The following GUCY2C variants were observed in gnomAD, a reference collection of about 807,000 sequenced individuals.
The protein encoded by GUCY2C is guanylate cyclase 2C, also known as guanylyl cyclase C.
In GUCY2C, 118 loss-of-function variants were observed where a neutral mutation model predicts 131.1. The ratio of observed to expected loss-of-function variants is 0.90; its 90% CI spans 0.78 to 1.05. The LOEUF (loss-of-function observed/expected upper bound fraction) is 1.05, where lower values mean the gene tolerates loss of function less well. GUCY2C is among the 50% of genes least tolerant of loss of function. The pLI is 0.00. For synonymous variants in GUCY2C, 452 were observed against 457.8 expected, an observed-to-expected ratio of 0.99 and a Z score of 0.16; for missense variants, 1,161 against 1,304.4, an observed-to-expected ratio of 0.89 and a Z score of 1.69.
intron 17 of GUCY2C, 45 bp from the exon 18 acceptor site, chr12:14,641,264 G>A (rs1260925409): frequency 3.1e-6 from 5 of 1,595,434 alleles, no homozygotes; most frequent in Non-Finnish European, 4.3e-6. Context: ...GGGGGTGAGT[G>A]GTTCATAGGC....
rs1946890699 is a variant in GUCY2C, at chr12:14,621,253, T to C, written c.2602-37A>G. 5 of 1,549,018 alleles carry C rather than the reference T, an allele frequency of 3.2e-6. No homozygotes were observed. In the African/African-American group the frequency reaches 5.5e-5, roughly 17 times the overall value. ...GTTTCTCATGAGTGCCTCTGCCCCT[T>C]TGAAAAGTATAGAAAGTAAACAGAA... On this transcript the variant is annotated intron_variant, in intron 22 of 26. Transcript: ENST00000261170.
chr12:14,683,277 A>G lies in GUCY2C; in HGVS notation c.396-20T>C, dbSNP rs1385612752. On this transcript the variant is annotated intron_variant, in intron 3 of 26. Transcript: ENST00000261170. The stretch of plus-strand genomic sequence containing the variant: ...TCAAGGCTATGTCAAGAGGTTGAGG[A>G]AAAAAGCCATTATCAGTATTAACTT... 6.6e-7 allele frequency: 1 copy of G among 1,521,574 alleles called. No homozygotes were observed. 94.3% of individuals were successfully genotyped at this position (1,521,574 alleles called of 1,614,324 possible). A position where few individuals can be genotyped will look rare whatever the true frequency, so the allele number is the denominator to read the frequency against.
At chr12:14,649,871 T>G (rs1386256019) in intron 15 of GUCY2C, among the ~76,000 whole-genome samples, 1 of 152,218 alleles carries the variant, frequency 6.6e-6, no homozygotes, top group Non-Finnish European at 1.5e-5. Flanking sequence ...TATTATTCCC[T>G]GAAACTGATT....
chr12:14,642,944 A>G (rs185946257), intron 17 of GUCY2C, among the ~76,000 whole-genome samples: 1 of 152,342 alleles, frequency 6.6e-6, no homozygotes, highest in Admixed American at 6.5e-5. Flanking sequence ...TTTTAAGGCA[A>G]CATGAGTTCT....
intron 2 of GUCY2C, 102 bp downstream of exon 2, chr12:14,687,849 A>C: frequency 1.4e-6 from 1 of 704,552 alleles, no homozygotes; most frequent in Non-Finnish European, 2.6e-6. Context: ...ATGTGGCTAG[A>C]GATGATGGGA....
At chr12:14,625,032 G>A (rs568565718) in intron 21 of GUCY2C, among the ~76,000 whole-genome samples, 1 of 152,280 alleles carries the variant, frequency 6.6e-6, no homozygotes, top group South Asian at 2.1e-4. Flanking sequence ...GTTCCCTACT[G>A]TTCCCAGGCA....
chr12:14,678,474 G>T (rs1333048903), intron 6 of GUCY2C, among the ~76,000 whole-genome samples: 1 of 152,212 alleles, frequency 6.6e-6, no homozygotes, highest in Non-Finnish European at 1.5e-5. Flanking sequence ...CAGGGGTAAA[G>T]CAGCTATTGA....
intron 19 of GUCY2C, among the ~76,000 whole-genome samples, chr12:14,632,932 G>T (rs895291831): frequency 7.2e-5 from 11 of 152,146 alleles, no homozygotes; most frequent in African/African-American, 1.9e-4. Context: ...AGACTGGCCT[G>T]CCCAGCCTGT....
chr12:14,630,992 T>A (rs1043824128), intron 19 of GUCY2C, among the ~76,000 whole-genome samples: 3 of 152,088 alleles, frequency 2.0e-5, no homozygotes, highest in African/African-American at 7.2e-5. Flanking sequence ...AAGAAAGGAA[T>A]GAGGAGAAGG....
At chr12:14,640,922 C>G (rs1273001801) in intron 18 of GUCY2C, among the ~76,000 whole-genome samples, 160 bp downstream of exon 18, 1 of 152,126 alleles carries the variant, frequency 6.6e-6, no homozygotes, top group Non-Finnish European at 1.5e-5. Context: ...AATATTGAAT[C>G]TTCCTTATAT....
chr12:14,618,547 C>T (rs1369814551), intron 24 of GUCY2C, among the ~76,000 whole-genome samples: 4 of 152,072 alleles, frequency 2.6e-5, no homozygotes, highest in East Asian at 3.9e-4. Context: ...CCAGAAAAAA[C>T]GAATATGCTT....
intron 25 of GUCY2C, among the ~76,000 whole-genome samples, chr12:14,616,005 A>T (rs1179149618): frequency 6.6e-6 from 1 of 152,168 alleles, no homozygotes; most frequent in African/African-American, 2.4e-5. Flanking sequence ...AAATGTGAGG[A>T]ACTGCATGAA....
intron 18 of GUCY2C, among the ~76,000 whole-genome samples, chr12:14,640,811 C>A (rs1359402335): frequency 6.6e-6 from 1 of 152,100 alleles, no homozygotes; most frequent in East Asian, 1.9e-4. Context: ...TTATTGGAAT[C>A]AAAAGGAAAG....
rs1054206742 is a variant in GUCY2C at position 14,661,066 on chromosome 12, T to C, written c.1283-4A>G. On this transcript the variant is annotated splice_polypyrimidine_tract_variant and splice_region_variant and intron_variant, in intron 10 of 26. Coordinates refer to ENST00000261170, the MANE Select transcript of GUCY2C (RefSeq NM_004963.4). The stretch of plus-strand genomic sequence containing the variant: ...GCAATCATCAGGATCTGAGGGCCTG[T>C]GGCGGAAAATGCGTTAGGAAGGACC... 6.9e-6 allele frequency: 11 copies of C among 1,591,782 alleles called. No homozygotes were observed. Among genetic ancestry groups the C allele is most frequent in the Middle Eastern group, 1.7e-4 (1 of 6,024 alleles).
At chr12:14,618,282 G>A (rs1449722284) in intron 24 of GUCY2C, among the ~76,000 whole-genome samples, 1 of 152,190 alleles carries the variant, frequency 6.6e-6, no homozygotes, top group Non-Finnish European at 1.5e-5. Context: ...GGGGACCAAG[G>A]CAGGAGACTT....
At chr12:14,663,673 C>A (rs1454790578) in intron 10 of GUCY2C, among the ~76,000 whole-genome samples, 1 of 152,210 alleles carries the variant, frequency 6.6e-6, no homozygotes, top group Non-Finnish European at 1.5e-5. Context: ...GAATCCTAAA[C>A]CTTCACACTG....
chr12:14,681,743 T>G (rs1388575764), intron 4 of GUCY2C, among the ~76,000 whole-genome samples: 1 of 152,210 alleles, frequency 6.6e-6, no homozygotes, highest in Non-Finnish European at 1.5e-5. Context: ...AAACACACTC[T>G]AAGCAATTTT....
At chr12:14,622,546 C>T (rs1415346580) in intron 21 of GUCY2C, among the ~76,000 whole-genome samples, 1 of 152,190 alleles carries the variant, frequency 6.6e-6, no homozygotes, top group East Asian at 1.9e-4. Context: ...TAATCAACCT[C>T]TTACAGATGT....
rs139494775 is a variant in GUCY2C at position 14,643,886 on chromosome 12, CT to C, written c.1798-181del. Among the ~76,000 whole-genome samples, 3,637 of 152,200 alleles carry C rather than the reference CT, an allele frequency of 0.024. 87 individuals carry two copies. Among genetic ancestry groups the C allele is most frequent in the African/African-American group, 0.061 (2,524 of 41,506 alleles). ...ACTGAAGCCCTAATATTTGCCTACA[CT>C]TTATATCTAGTTTCAAAGTCTGTTT... On this transcript the variant is annotated intron_variant, in intron 16 of 26. Transcript: ENST00000261170.
Sources: gnomAD v4.1 joint callset for allele counts (sites outside exome capture counted in the v4.1 genomes callset) on GRCh38, gnomAD v4.1.1 for gene constraint, MANE v1.5 for transcripts, NCBI Gene and HGNC (gene_info 2026-07-23, HGNC 2026-07-21) for gene names.